The following PALB2 variants were observed in gnomAD, a reference collection of about 807,000 sequenced individuals.
PALB2 encodes the protein mutant partner and localizer of BRCA2.
In PALB2, 82 loss-of-function variants were observed where a neutral mutation model predicts 107.4. The observed-to-expected ratio is 0.76, with a 90% confidence interval of 0.64 to 0.92. PALB2 has a LOEUF of 0.92. Ranked by LOEUF, PALB2 falls within the 40% of genes least tolerant of loss-of-function variation. The pLI is 0.00. For synonymous variants in PALB2, 489 were observed against 496.8 expected (o/e 0.98, Z 0.21); for missense variants, 1,374 against 1,379.9 (o/e 1.00, Z 0.07).
rs149853444 is a variant in PALB2 at position 23,640,436 on chromosome 16, G to A, written c.48+674C>T. 453 of 200,492 alleles carry A rather than the reference G, an allele frequency of 2.3e-3. 2 individuals are homozygous for A. Among genetic ancestry groups the A allele is most frequent in the African/African-American group, 9.8e-3 (426 of 43,622 alleles). 12.4% of individuals were successfully genotyped at this position (200,492 alleles called of 1,614,324 possible). A position where few individuals can be genotyped will look rare whatever the true frequency, so the allele number is the denominator to read the frequency against. ...GGAGAGTCGCTTGATCCCAGGAAGC[G>A]GAGGTTGCAGTGAGCCGAGATCGCG... On this transcript the variant is annotated intron_variant, in intron 1 of 12. Coordinates refer to ENST00000261584, the MANE Select transcript of PALB2 (RefSeq NM_024675.4).
rs1234068504 is a variant in PALB2, at chr16:23,635,916, T to C, written c.630A>G (p.Pro210=). 1 of 1,614,216 alleles carries C rather than the reference T, an allele frequency of 6.2e-7. No homozygotes were observed. ...LSLKSELPDS[P]EPVTEINEDS... is the part of the protein sequence containing the mutation. Reference sequence around the variant, plus strand: ...CTTCATTAATTTCTGTAACTGGTTCTGGAGAATCTGGAAGTTCAGATTTAA... The same window carrying C: ...CTTCATTAATTTCTGTAACTGGTTCCGGAGAATCTGGAAGTTCAGATTTAA... The change falls in exon 4 of 13, where the codon CCA becomes CCG. Residue 210 remains proline, a synonymous_variant. Coordinates refer to ENST00000261584, the MANE Select transcript of PALB2 (RefSeq NM_024675.4).
At chr16:23,622,775 G>A (rs1785694286) in intron 9 of PALB2, among the ~76,000 whole-genome samples, 194 bp downstream of exon 9, 1 of 152,070 alleles carries the variant, frequency 6.6e-6, no homozygotes, top group Non-Finnish European at 1.5e-5. Context: ...CACCTTCTTT[G>A]ACTTCATCCC....
rs2142326024 is a variant in PALB2, at chr16:23,621,367, A to T, written c.3108T>A (p.Val1036=). 1.2e-6 allele frequency: 2 copies of T among 1,606,818 alleles called. No homozygotes were observed. The highest frequency in any genetic ancestry group is 2.7e-5 in the African/African-American group (2 of 74,870). The change falls in exon 10 of 13, where the codon GTT becomes GTA. Residue 1036 remains valine, a synonymous_variant. Transcript: ENST00000261584. ...GACCTAGAGGGAAAGCTTACCAAAT[A>T]ACAATGTTGTTCATAATAGTAGTAC... ...LLGTTIMNNI[V]IWNLKTGQLL...
intron 12 of PALB2, among the ~76,000 whole-genome samples, chr16:23,607,063 C>T (rs1229886023): frequency 6.6e-6 from 1 of 152,104 alleles, no homozygotes; most frequent in African/African-American, 2.4e-5. Context: ...CCTGCCTCAG[C>T]CTCCCAATTG....
intron 12 of PALB2, among the ~76,000 whole-genome samples, chr16:23,607,596 AAAATAT>A: frequency 6.6e-6 from 1 of 152,020 alleles, no homozygotes; most frequent in East Asian, 1.9e-4. Flanking sequence ...ATGTGCTGCC[AAAATAT>A]TTACCTTAGG....
In PALB2 at chr16:23,610,309, CTTTTT is replaced by C. The variant is rs200742073; in HGVS notation, c.3202-2302_3202-2298del. Among the ~76,000 whole-genome samples the C allele has an allele frequency of 4.3e-4, 57 of 133,742 alleles. No individual in the cohort carries two copies. In the South Asian group the frequency reaches 8.0e-3, roughly 19 times the overall value. 87.7% of individuals were successfully genotyped at this position (133,742 alleles called of 152,430 possible). On this transcript the variant is annotated intron_variant, in intron 11 of 12. Transcript: ENST00000261584. ...TTAAATAAATAATACAATGTTATTT[CTTTTT>C]TTTTTTTTTTTTTGAGACAGAGACT... is the stretch of plus-strand genomic sequence containing the variant.
intron 8 of PALB2, 45 bp downstream of exon 8, chr16:23,623,964 G>T: frequency 1.5e-6 from 2 of 1,360,678 alleles, no homozygotes; most frequent in South Asian, 1.2e-5. Context: ...AGCTGACAGA[G>T]ACAAAGATGA....
In PALB2 at chr16:23,636,324, A is replaced by C. The variant is rs1453076284; in HGVS notation, c.222T>G (p.Asn74Lys). The C allele has an allele frequency of 6.2e-7, 1 of 1,606,798 alleles. No individual in the cohort carries two copies. Among genetic ancestry groups the C allele is most frequent in the Non-Finnish European group, 8.5e-7 (1 of 1,176,100 alleles). ...GTAACTTGTCATAAACACATATTTT[A>C]TTTTTAGGTTCTGAGGAGGAAAAAA... ...SPQLKHSEPK[N>K]KICVYDKLHI... is the part of the protein sequence containing the mutation. Residue 74 changes from asparagine (N) to lysine (K), a missense_variant, in exon 4 of 13, where the codon AAT becomes AAG. Asn to Lys is a moderately conservative substitution (Grantham distance 94). Transcript: ENST00000261584.
Position 23,614,051 on chromosome 16 carries a change from C to T in PALB2, c.3154G>A (p.Asp1052Asn), listed in dbSNP as rs878855116. 3 of 1,613,480 alleles carry T rather than the reference C, an allele frequency of 1.9e-6. No homozygotes were observed. The highest frequency in any genetic ancestry group is 2.5e-6 in the Non-Finnish European group (3 of 1,179,620). The change falls in exon 11 of 13, where the codon GAT becomes AAT. Residue 1052 changes from aspartate to asparagine, a missense_variant. Physicochemically the swap from Asp to Asn is conservative, Grantham distance 23. Coordinates refer to ENST00000261584, the MANE Select transcript of PALB2 (RefSeq NM_024675.4). Reference protein sequence around the residue: ...TGQLLKKMHIDDSYQASVCHK... With the variant: ...TGQLLKKMHINDSYQASVCHK... ...CAGACTGAAGCTTGGTAAGAATCAT[C>T]AATGTGCATCTTTTTCAGGAGTTGA...
At chr16:23,611,563 A>G (rs979628293) in intron 11 of PALB2, among the ~76,000 whole-genome samples, 1 of 151,730 alleles carries the variant, frequency 6.6e-6, no homozygotes, top group Non-Finnish European at 1.5e-5. Context: ...GGTTCAAGCA[A>G]TTCTCCTGCC....
In PALB2 at chr16:23,624,007, A is replaced by G. The variant is rs864622481; in HGVS notation, c.2834+2T>C. 6.4e-7 allele frequency: 1 copy of G among 1,571,104 alleles called. No homozygotes were observed. The highest frequency in any genetic ancestry group is 2.2e-5 in the East Asian group (1 of 44,618). On this transcript the variant is annotated splice_donor_variant, in intron 8 of 12. Coordinates refer to ENST00000261584, the MANE Select transcript of PALB2 (RefSeq NM_024675.4). LOFTEE classifies it high-confidence loss of function. ...ACAAATCACTCCTTGGGAATTACAT[A>G]CCTGATCTCTCTGATTTCCAAATTT...
chr16:23,603,759 C>A, intron 12 of PALB2, 90 bp from the exon 13 acceptor site: 1 of 1,209,612 alleles, frequency 8.3e-7, no homozygotes, highest in Non-Finnish European at 1.2e-6. Flanking sequence ...TTCCCAAAAC[C>A]AGCAACAGGA....
At chr16:23,631,650 T>A (rs991077509) in intron 4 of PALB2, among the ~76,000 whole-genome samples, 1 of 152,184 alleles carries the variant, frequency 6.6e-6, no homozygotes, top group Non-Finnish European at 1.5e-5. Flanking sequence ...AGTGAAACCT[T>A]AGGCAAATCG....
rs1967238731 is a variant in PALB2 at position 23,641,186 on chromosome 16, C to T, written c.-29G>A. 1 of 1,608,234 alleles carries T rather than the reference C, an allele frequency of 6.2e-7. No homozygotes were observed. The highest frequency in any genetic ancestry group is 2.2e-5 in the East Asian group (1 of 44,710). ...GCAGGCGACAGAACGAAAAGAGCAG[C>T]CGTCGCCGACCCCAGGCCTGCCGAC... On this transcript the variant is annotated 5_prime_UTR_variant, in exon 1 of 13. Transcript: ENST00000261584.
chr16:23,613,456 C>A (rs62032982), intron 11 of PALB2, among the ~76,000 whole-genome samples: 15,672 of 151,956 alleles, frequency 0.1, 967 homozygotes, highest in East Asian at 0.17. Context: ...CAAGCCTGGC[C>A]AACATGGCAA....
At chr16:23,610,941 G>C (rs1018641558) in intron 11 of PALB2, among the ~76,000 whole-genome samples, 2 of 151,912 alleles carry the variant, frequency 1.3e-5, no homozygotes, top group African/African-American at 4.8e-5. Flanking sequence ...TTGGGAGGCT[G>C]AGGCACAGAA....
rs766583287 is a variant in PALB2 at position 23,634,873 on chromosome 16, A to C, written c.1673T>G (p.Ile558Ser). ...SHKYQHEKLF[I>S]QVKGKKSRHQ... ...ACATCTTGATTTACCTTTCACTTGA[A>C]TAAATAATTTTTCGTGCTGATATTT... is the stretch of plus-strand genomic sequence containing the variant. Residue 558 changes from isoleucine to serine, a missense_variant, in exon 4 of 13, where the codon ATT becomes AGT. Coordinates refer to ENST00000261584, the MANE Select transcript of PALB2 (RefSeq NM_024675.4). 6.2e-7 allele frequency: 1 copy of C among 1,613,780 alleles called. No homozygotes were observed. The highest frequency in any genetic ancestry group is 8.5e-7 in the Non-Finnish European group (1 of 1,179,778).
chr16:23,603,997 C>G (rs929446127), intron 12 of PALB2, among the ~76,000 whole-genome samples: 6 of 152,224 alleles, frequency 3.9e-5, no homozygotes, highest in Non-Finnish European at 8.8e-5. Flanking sequence ...TTCTCCCTGA[C>G]AGGCTCTCAC....
chr16:23,612,753 T>C (rs1476033144), intron 11 of PALB2, among the ~76,000 whole-genome samples: 2 of 151,874 alleles, frequency 1.3e-5, no homozygotes, highest in Non-Finnish European at 2.9e-5. Flanking sequence ...AAACTTTTTT[T>C]TTTTCTTTTT....
Sources: gnomAD v4.1 joint callset for allele counts (sites outside exome capture counted in the v4.1 genomes callset) on GRCh38, gnomAD v4.1.1 for gene constraint, MANE v1.5 for transcripts, NCBI Gene and HGNC (gene_info 2026-07-23, HGNC 2026-07-21) for gene names.